The following TUBGCP2 variants were observed in gnomAD, a reference collection of about 807,000 sequenced individuals.
TUBGCP2 encodes the protein tubulin gamma complex component 2.
A neutral mutation model predicts 92.2 loss-of-function variants in TUBGCP2; 55 were observed. That is an observed-to-expected ratio of 0.60 (90% confidence interval 0.48 to 0.75). The LOEUF is 0.75. Ranked by LOEUF, TUBGCP2 falls within the 30% of genes least tolerant of loss-of-function variation. The pLI, the probability that TUBGCP2 is intolerant of heterozygous loss-of-function variation, is 0.00. For synonymous variants in TUBGCP2, 533 were observed against 505.2 expected, an observed-to-expected ratio of 1.06 and a Z score of -0.74; for missense variants, 1,093 against 1,188.9, an observed-to-expected ratio of 0.92 and a Z score of 1.19.
chr10:133,291,169 G>T (rs1847277514), intron 8 of TUBGCP2: 1 of 401,040 alleles, frequency 2.5e-6, no homozygotes, highest in Non-Finnish European at 4.3e-6. Flanking sequence ...GCGGACATCT[G>T]CCCGGGGTGT....
chr10:133,295,152 A>G (rs964837432), intron 5 of TUBGCP2: 1 of 152,276 alleles, frequency 6.6e-6, no homozygotes, highest in African/African-American at 2.4e-5. Context: ...GAGGGACCTC[A>G]AGGGTTGCTT....
chr10:133,280,503 G>T (rs575880269), intron 17 of TUBGCP2, among the ~76,000 whole-genome samples: 1 of 152,342 alleles, frequency 6.6e-6, no homozygotes, highest in African/African-American at 2.4e-5. Flanking sequence ...CTTTCCCCCA[G>T]GCTAGGTGTT....
chr10:133,303,071 T>C, intron 1 of TUBGCP2, 91 bp from the exon 2 acceptor site: 2 of 1,239,030 alleles, frequency 1.6e-6, no homozygotes, highest in Non-Finnish European at 2.2e-6. Context: ...ATGTCAGGCT[T>C]TGACAAACCA....
At chr10:133,284,045 C>G (rs760556140) in intron 13 of TUBGCP2, 43 bp from the exon 14 acceptor site, 2 of 1,598,498 alleles carry the variant, frequency 1.3e-6, no homozygotes, top group South Asian at 2.2e-5. Context: ...GAGGACGCGG[C>G]CCCGACAGCG....
upstream of TUBGCP2, chr10:133,311,488 A>C: frequency 4.1e-6 from 2 of 483,478 alleles, no homozygotes; most frequent in East Asian, 3.3e-5. Flanking sequence ...TGATTGTTAC[A>C]GTTAAGTTTA....
chr10:133,293,760 G>A lies in TUBGCP2; in HGVS notation c.626C>T (p.Pro209Leu), dbSNP rs1192632933. The change falls in exon 6 of 18, where the codon CCC (proline) becomes CTC (leucine). Residue 209 changes from proline to leucine, a missense_variant. Physicochemically the swap from Pro to Leu is moderately conservative, Grantham distance 98 (BLOSUM62 -3). Transcript: ENST00000252936. ...CACGGCCGACTCCTGCGAGGCCAGG[G>A]GCAACGTGCCTGCGGGCACAGACAG... Reference protein sequence around the residue: ...TDTALPIGTLPLASQESAVVE... With the variant: ...TDTALPIGTLLLASQESAVVE... 6.3e-7 allele frequency: 1 copy of A among 1,588,578 alleles called. No individual in the cohort carries two copies. The highest frequency in any genetic ancestry group is 1.8e-5 in the Admixed American group (1 of 55,846).
At chr10:133,289,226 C>T (rs528963660) in intron 9 of TUBGCP2, among the ~76,000 whole-genome samples, 12 of 152,228 alleles carry the variant, frequency 7.9e-5, no homozygotes, top group Non-Finnish European at 1.3e-4. Flanking sequence ...TGCTCCTTCC[C>T]GGTAAATCAC....
intron 10 of TUBGCP2, 64 bp downstream of exon 10, chr10:133,288,776 C>A: frequency 1.3e-6 from 2 of 1,489,826 alleles, no homozygotes; most frequent in Non-Finnish European, 1.8e-6. Flanking sequence ...CTCAGCCCCA[C>A]GTCCCACAGG....
chr10:133,285,471 G>A lies in TUBGCP2; in HGVS notation c.1880C>T (p.Ser627Leu), dbSNP rs148683984. 2.2e-5 allele frequency: 36 copies of A among 1,613,488 alleles called. No homozygotes were observed. The highest frequency in any genetic ancestry group is 4.0e-5 in the African/African-American group (3 of 74,942). Residue 627 changes from serine to leucine, a missense_variant, in exon 12 of 18, where the codon TCG (serine) becomes TTG (leucine). Physicochemically the swap from Ser to Leu is moderately radical, Grantham distance 145 (BLOSUM62 -2). Coordinates refer to ENST00000252936, the MANE Select transcript of TUBGCP2 (RefSeq NM_006659.4). This position sits in a 1 kb window ranked among gnomAD's most constrained non-coding sequence, Gnocchi z 6.8. ...CGACCCGCACCTGTTGATGATGAGC[G>A]AAAGGGGCCACTTGACGATGTAGTC... ...SFDYIVKWPL[S>L]LIINRKALTR...
At chr10:133,303,150 C>G (rs990849733) in intron 1 of TUBGCP2, among the ~76,000 whole-genome samples, 170 bp from the exon 2 acceptor site, 5 of 152,102 alleles carry the variant, frequency 3.3e-5, no homozygotes, top group African/African-American at 1.2e-4. Flanking sequence ...AGAGGGTCCT[C>G]TGCATGGGCC....
chr10:133,299,981 C>T lies in TUBGCP2; in HGVS notation c.279+4G>A. 6.2e-7 allele frequency: 1 copy of T among 1,613,770 alleles called. No homozygotes were observed. The highest frequency in any genetic ancestry group is 8.5e-7 in the Non-Finnish European group (1 of 1,179,782). ...GCAGTGTGGCACGTGGCATGGGCAC[C>T]TACCTCTTTGTCTTCCGTGAGCTTT... On this transcript the variant is annotated splice_donor_region_variant and intron_variant, in intron 3 of 17. Coordinates refer to ENST00000252936, the MANE Select transcript of TUBGCP2 (RefSeq NM_006659.4).
intron 16 of TUBGCP2, among the ~76,000 whole-genome samples, chr10:133,281,983 G>A (rs769066954): frequency 5.9e-5 from 9 of 152,390 alleles, no homozygotes; most frequent in African/African-American, 9.6e-5. Context: ...CACAGCGCTC[G>A]CTCTGAAGAT....
chr10:133,282,372 T>C, intron 15 of TUBGCP2, 30 bp from the exon 16 acceptor site: 1 of 1,564,190 alleles, frequency 6.4e-7, no homozygotes, highest in South Asian at 1.2e-5. Context: ...AGGAAATGCT[T>C]CTGTTAGTTA....
In TUBGCP2 at chr10:133,283,027, G is replaced by A. The variant is rs768516131; in HGVS notation, c.2289+51C>T. ...TGCGTGCGGCCACGGTCGGGACATG[G>A]TCTGCCCACCCGCGCCTGCCCACCC... On this transcript the variant is annotated intron_variant, in intron 15 of 17. Coordinates refer to ENST00000252936, the MANE Select transcript of TUBGCP2 (RefSeq NM_006659.4). 18 of 1,608,032 alleles carry A rather than the reference G, an allele frequency of 1.1e-5. No homozygotes were observed. The South Asian group carries it at 2.0e-4, about 18-fold the overall frequency.
At chr10:133,280,589 C>G (rs2136105910) in intron 17 of TUBGCP2, among the ~76,000 whole-genome samples, 1 of 152,338 alleles carries the variant, frequency 6.6e-6, no homozygotes, top group South Asian at 2.1e-4. Flanking sequence ...GCCAATGGGG[C>G]AGCCCAGTTG....
chr10:133,309,347 C>T (rs1158953308), upstream of TUBGCP2: 6 of 1,590,050 alleles, frequency 3.8e-6, no homozygotes, highest in South Asian at 5.6e-5. Flanking sequence ...GGTGGGCGTG[C>T]CGCGAGTCAC....
At chr10:133,302,173 G>A (rs1178278023) in intron 2 of TUBGCP2, 1 of 159,024 alleles carries the variant, frequency 6.3e-6, no homozygotes, top group Non-Finnish European at 1.4e-5. Context: ...AGGAGCTGCT[G>A]GGGGGAGTCA....
intron 1 of TUBGCP2, among the ~76,000 whole-genome samples, chr10:133,305,009 C>T (rs1442051322): frequency 6.6e-6 from 1 of 151,798 alleles, no homozygotes; most frequent in Non-Finnish European, 1.5e-5. Flanking sequence ...CTTAGCAGAC[C>T]GGGAAAGGGA....
At chr10:133,305,984 C>T (rs574201238) in intron 1 of TUBGCP2, among the ~76,000 whole-genome samples, 8 of 152,210 alleles carry the variant, frequency 5.3e-5, no homozygotes, top group African/African-American at 1.7e-4. Context: ...CTAGGTCCTG[C>T]GTAGAGCTGT....
Sources: allele counts gnomAD v4.1 joint callset (sites outside exome capture counted in the v4.1 genomes callset), GRCh38; gene constraint gnomAD v4.1.1; non-coding constraint Gnocchi (gnomAD v3.1); transcripts MANE v1.5; gene names NCBI Gene and HGNC (gene_info 2026-07-23, HGNC 2026-07-21).